Variants in NOVA1 observed in about 807,000 individuals in gnomAD.
NOVA1 encodes the protein RNA-binding protein Nova-1.
NOVA1 carries 7 observed loss-of-function variants against 38.0 expected under a neutral mutation model. The ratio of observed to expected loss-of-function variants is 0.18; its 90% CI spans 0.10 to 0.35. The LOEUF is 0.35. Among genes scored for constraint, NOVA1 ranks in the 10% least tolerant of loss-of-function variants. The probability of loss-of-function intolerance (pLI) is 1.00; values close to 1 mark genes in which losing one functional copy is unlikely to be tolerated. For missense variants in NOVA1, 460 were observed against 616.0 expected (o/e 0.75, Z 2.68); for synonymous variants, 270 against 232.5 (o/e 1.16, Z -1.47).
At chr14:26,584,615 T>C (rs1166446312) in intron 2 of NOVA1, among the ~76,000 whole-genome samples, 2 of 151,394 alleles carry the variant, frequency 1.3e-5, no homozygotes, top group African/African-American at 4.8e-5. Context: ...CAATATCCAC[T>C]TTTTATCCAA....
rs533092720 is a variant in NOVA1, at chr14:26,519,655, C to T, written c.281-39512G>A. The T allele has an allele frequency of 2.6e-5, 4 of 152,186 alleles. No homozygotes were observed. The East Asian group carries it at 7.7e-4, about 29-fold the overall frequency. The allele number at this position is 152,186 out of a possible 1,614,324, so 9.4% of individuals were successfully genotyped here. On this transcript the variant is annotated intron_variant, in intron 2 of 4. Transcript: ENST00000539517. ...ATAAACTAAAATAGAATGTATCTTC[C>T]TAACATGTACTTTGAATTGTTTTTT... is the stretch of plus-strand genomic sequence containing the variant.
intron 4 of NOVA1, among the ~76,000 whole-genome samples, chr14:26,449,257 G>A (rs1418556239): frequency 6.6e-6 from 1 of 152,028 alleles, no homozygotes; most frequent in East Asian, 1.9e-4. Context: ...CTTAACAAGA[G>A]GGGATCATAA....
intron 2 of NOVA1, among the ~76,000 whole-genome samples, chr14:26,500,312 T>C (rs1476873335): frequency 6.6e-6 from 1 of 152,032 alleles, no homozygotes; most frequent in Non-Finnish European, 1.5e-5. Flanking sequence ...TGTGATTTAG[T>C]AACAGATTAA....
intron 2 of NOVA1, among the ~76,000 whole-genome samples, chr14:26,581,320 T>C (rs1022792750): frequency 2.6e-5 from 4 of 152,104 alleles, no homozygotes; most frequent in African/African-American, 9.6e-5. Flanking sequence ...CTGAGTACTA[T>C]ATCACAGTGA....
intron 2 of NOVA1, among the ~76,000 whole-genome samples, chr14:26,558,942 CA>C (rs1891652900): frequency 6.6e-6 from 1 of 152,058 alleles, no homozygotes; most frequent in African/African-American, 2.4e-5. Flanking sequence ...TAGAAGAACA[CA>C]AGGATAATTT....
intron 2 of NOVA1, among the ~76,000 whole-genome samples, chr14:26,547,014 T>C (rs1032587645): frequency 2.6e-5 from 4 of 152,056 alleles, no homozygotes; most frequent in Non-Finnish European, 5.9e-5. Flanking sequence ...CGAGACTCCA[T>C]CTCAAAAAAA....
intron 4 of NOVA1, among the ~76,000 whole-genome samples, chr14:26,451,479 T>C (rs1882672928): frequency 6.6e-6 from 1 of 152,148 alleles, no homozygotes; most frequent in Admixed American, 6.5e-5. Context: ...GCGATTCTCC[T>C]GCCTCAGTTT....
chr14:26,483,397 T>C (rs1449156022), intron 2 of NOVA1, among the ~76,000 whole-genome samples: 1 of 152,340 alleles, frequency 6.6e-6, no homozygotes, highest in East Asian at 1.9e-4. Flanking sequence ...AAATATGTTG[T>C]AATTTCTACA....
intron 2 of NOVA1, among the ~76,000 whole-genome samples, chr14:26,574,024 T>G (rs1390352882): frequency 3.6e-5 from 2 of 55,916 alleles, no homozygotes; most frequent in South Asian, 9.6e-4. Flanking sequence ...AAGATTACAC[T>G]TTTTTTTTTT....
intron 4 of NOVA1, among the ~76,000 whole-genome samples, chr14:26,461,795 G>A: frequency 6.7e-6 from 1 of 150,302 alleles, no homozygotes; most frequent in East Asian, 2.0e-4. Flanking sequence ...AATTTGCCAG[G>A]CATGCATGGT....
chr14:26,564,066 C>T (rs1056470035), intron 2 of NOVA1, among the ~76,000 whole-genome samples: 8 of 151,948 alleles, frequency 5.3e-5, no homozygotes, highest in African/African-American at 1.9e-4. Context: ...AAATTTTAAC[C>T]CTGGCAATTT....
chr14:26,550,296 T>C (rs1891081002), intron 2 of NOVA1, among the ~76,000 whole-genome samples: 1 of 152,160 alleles, frequency 6.6e-6, no homozygotes, highest in African/African-American at 2.4e-5. Flanking sequence ...ATAAAATATC[T>C]AAAAGGGATT....
chr14:26,583,778 T>C (rs979247288), intron 2 of NOVA1, among the ~76,000 whole-genome samples: 7 of 151,218 alleles, frequency 4.6e-5, no homozygotes, highest in Non-Finnish European at 1.0e-4. Flanking sequence ...AAAAATTACA[T>C]AACAGAGAAT....
At chr14:26,449,458 T>C (rs1396694795) in intron 4 of NOVA1, among the ~76,000 whole-genome samples, 2 of 152,148 alleles carry the variant, frequency 1.3e-5, no homozygotes, top group African/African-American at 4.8e-5. Context: ...AAAACATTAA[T>C]TTCATGTTCC....
At chr14:26,500,370 G>C (rs1455581256) in intron 2 of NOVA1, among the ~76,000 whole-genome samples, 2 of 152,060 alleles carry the variant, frequency 1.3e-5, no homozygotes, top group East Asian at 3.9e-4. Context: ...TCGGCTTACT[G>C]AGTGGGTCAC....
chr14:26,447,731 A>G lies in NOVA1; in HGVS notation c.*228T>C. On this transcript the variant is annotated 3_prime_UTR_variant, in exon 5 of 5. Transcript: ENST00000539517. ...TACACTAGAAACACCTCTGACAAAT[A>G]TACACAAGCAAAGTATAGAGAACAA... 1.8e-6 allele frequency: 1 copy of G among 552,044 alleles called. No homozygotes were observed. The highest frequency in any genetic ancestry group is 3.2e-6 in the Non-Finnish European group (1 of 311,480). The allele number at this position is 552,044 out of a possible 1,614,324, so 34.2% of individuals were successfully genotyped here.
chr14:26,557,218 A>T (rs547607412), intron 2 of NOVA1, among the ~76,000 whole-genome samples: 1 of 152,306 alleles, frequency 6.6e-6, no homozygotes, highest in Admixed American at 6.5e-5. Flanking sequence ...GTGGGGACAT[A>T]GTATCTCCTT....
At chr14:26,569,168 G>A (rs915160106) in intron 2 of NOVA1, among the ~76,000 whole-genome samples, 4 of 152,010 alleles carry the variant, frequency 2.6e-5, no homozygotes, top group African/African-American at 9.7e-5. Context: ...ACACAGAGCA[G>A]AACTGTCAGA....
chr14:26,485,877 A>G (rs1379739832), intron 2 of NOVA1, among the ~76,000 whole-genome samples: 1 of 152,180 alleles, frequency 6.6e-6, no homozygotes, highest in African/African-American at 2.4e-5. Flanking sequence ...AAATAAAACA[A>G]TAATACAAAA....
Sources: gnomAD v4.1 joint callset for allele counts (sites outside exome capture counted in the v4.1 genomes callset) on GRCh38, gnomAD v4.1.1 for gene constraint, MANE v1.5 for transcripts, NCBI Gene and HGNC (gene_info 2026-07-23, HGNC 2026-07-21) for gene names.